Variants in ARF1 observed in about 807,000 individuals in gnomAD.
ARF1 encodes ADP-ribosylation factor 1.
ARF1 carries 1 observed loss-of-function variant against 18.0 expected under a neutral mutation model. The observed-to-expected ratio is 0.06, with a 90% CI of 0.02 to 0.26. ARF1 has a LOEUF of 0.26. Ranked by LOEUF, ARF1 falls within the 10% of genes least tolerant of loss-of-function variation. The pLI, the probability that ARF1 is intolerant of heterozygous loss-of-function variation, is 1.00. For missense variants in ARF1, 73 were observed against 247.2 expected, an observed-to-expected ratio of 0.30 and a Z score of 4.73; for synonymous variants, 112 against 96.3, an observed-to-expected ratio of 1.16 and a Z score of -0.95.
chr1:228,094,244 C>T (rs1054646156), intron 1 of ARF1, among the ~76,000 whole-genome samples: 5 of 152,096 alleles, frequency 3.3e-5, no homozygotes, highest in Admixed American at 1.3e-4. Context: ...AACTGGCAGG[C>T]GACCCTTATT....
At position 228,098,834 on chromosome 1, in the gene ARF1, T is replaced by G. The variant is rs1181619814; in HGVS notation, c.*821T>G. The G allele has an allele frequency of 1.3e-5, 2 of 152,648 alleles. No individual in the cohort carries two copies. Among genetic ancestry groups the G allele is most frequent in the African/African-American group, 4.8e-5 (2 of 41,454 alleles). 9.5% of individuals were successfully genotyped at this position (152,648 alleles called of 1,614,324 possible). ...CAACACTCGTGCTCGCTCAGACACT[T>G]TGGCAGGATGTCTGGGGCCTCACCA... is the stretch of plus-strand genomic sequence containing the variant. On this transcript the variant is annotated 3_prime_UTR_variant, in exon 5 of 5. Coordinates refer to ENST00000272102, the MANE Select transcript of ARF1 (RefSeq NM_001658.4).
chr1:228,092,120 TGTC>T (rs2032595203), intron 1 of ARF1, among the ~76,000 whole-genome samples: 1 of 152,232 alleles, frequency 6.6e-6, no homozygotes, highest in African/African-American at 2.4e-5. Flanking sequence ...GTAATTTATC[TGTC>T]AGTGAACTTG....
At chr1:228,096,091 TG>T (rs2032736631) in intron 1 of ARF1, among the ~76,000 whole-genome samples, 1 of 152,118 alleles carries the variant, frequency 6.6e-6, no homozygotes, top group Admixed American at 6.5e-5. Flanking sequence ...CTCTTGCTGA[TG>T]TTGAGAAATG....
chr1:228,083,745 T>C (rs1048740750), intron 1 of ARF1, among the ~76,000 whole-genome samples: 2 of 152,078 alleles, frequency 1.3e-5, no homozygotes, highest in African/African-American at 4.8e-5. Context: ...TTACGGCGTG[T>C]GAGATTGGGG....
rs2032800157 is a variant in ARF1, at chr1:228,097,793, G to A, written c.385-59G>A. On this transcript the variant is annotated intron_variant, in intron 4 of 4. Transcript: ENST00000272102. The surrounding 1 kb of genome is among the most constrained non-coding windows in gnomAD (Gnocchi z 8.1). ...TGGTGGTAGGGGTTACTGGAGGCTG[G>A]TGGGGCCCCTTTCTCTGTCCTGTGG... 1.3e-6 allele frequency: 2 copies of A among 1,588,902 alleles called. No individual in the cohort carries two copies. Among genetic ancestry groups the A allele is most frequent in the South Asian group, 2.3e-5 (2 of 87,656 alleles).
chr1:228,098,136 GTGCTGTAAA>G lies in ARF1; in HGVS notation c.*126_*134del. 1 of 1,216,150 alleles carries G rather than the reference GTGCTGTAAA, an allele frequency of 8.2e-7. No individual in the cohort carries two copies. Among genetic ancestry groups the G allele is most frequent in the Non-Finnish European group, 1.1e-6 (1 of 896,464 alleles). 75.3% of individuals were successfully genotyped at this position (1,216,150 alleles called of 1,614,324 possible). ...GTTTGGTCACCGTGTGCATCGCACC[GTGCTGTAAA>G]TGTGGCAGACGCAGCCTGCGGCCAG... On this transcript the variant is annotated 3_prime_UTR_variant, in exon 5 of 5. Coordinates refer to ENST00000272102, the MANE Select transcript of ARF1 (RefSeq NM_001658.4).
At position 228,097,834 on chromosome 1, in the gene ARF1, A is replaced by G. The variant is rs1292997959; in HGVS notation, c.385-18A>G. Reference sequence around the variant, plus strand: ...TGTCCTGTGGACAGCCCTTCCCACCAACCCTTCCTTCCCCCAGGACCTCCC... The same window carrying G: ...TGTCCTGTGGACAGCCCTTCCCACCGACCCTTCCTTCCCCCAGGACCTCCC... On this transcript the variant is annotated intron_variant, in intron 4 of 4. Coordinates refer to ENST00000272102, the MANE Select transcript of ARF1 (RefSeq NM_001658.4). The surrounding 1 kb of genome is among the most constrained non-coding windows in gnomAD (Gnocchi z 8.1). 1.2e-6 allele frequency: 2 copies of G among 1,610,122 alleles called. No individual in the cohort carries two copies. The highest frequency in any genetic ancestry group is 3.3e-5 in the Admixed American group (2 of 59,810).
chr1:228,093,760 C>CTAAAAA (rs563501825), intron 1 of ARF1, among the ~76,000 whole-genome samples: 4 of 151,804 alleles, frequency 2.6e-5, no homozygotes, highest in Non-Finnish European at 5.9e-5. Context: ...CCCGTCTCTA[C>CTAAAAA]TAAAAATAAA....
chr1:228,088,281 A>G (rs1021731498), intron 1 of ARF1: 1 of 152,750 alleles, frequency 6.5e-6, no homozygotes, highest in Non-Finnish European at 1.5e-5. Flanking sequence ...CCCTGAGGTG[A>G]GTGCGCTGGC....
In ARF1 at chr1:228,098,894, C is replaced by G. The variant is rs2032856110; in HGVS notation, c.*881C>G. 6.6e-6 allele frequency: 1 copy of G among 152,668 alleles called. No homozygotes were observed. The highest frequency in any genetic ancestry group is 1.5e-5 in the Non-Finnish European group (1 of 68,072). The allele number at this position is 152,668 out of a possible 1,614,324, so 9.5% of individuals were successfully genotyped here. ...CGTGCAAGCCGGGCAGGCGGTCCAC[C>G]TAGACCCACAGCCCCTCGGGAGCAC... is the stretch of plus-strand genomic sequence containing the variant. On this transcript the variant is annotated 3_prime_UTR_variant, in exon 5 of 5. Coordinates refer to ENST00000272102, the MANE Select transcript of ARF1 (RefSeq NM_001658.4).
In ARF1 at chr1:228,085,600, C is replaced by G. The variant is rs746233018; in HGVS notation, c.-38+2835C>G. ...CAAGGGCTTGCAGCCGGTTGTCAGC[C>G]AACAGACTGGGAAGGGTGGTGCTTC... On this transcript the variant is annotated intron_variant, in intron 1 of 4. Transcript: ENST00000272102. Among the ~76,000 whole-genome samples, 59 of 152,316 alleles carry G rather than the reference C, an allele frequency of 3.9e-4. 1 individual carries two copies. The Middle Eastern group carries it at 0.02, about 53-fold the overall frequency.
intron 1 of ARF1, chr1:228,091,211 T>C (rs990600829): frequency 1.3e-5 from 2 of 152,184 alleles, no homozygotes; most frequent in Non-Finnish European, 2.9e-5. Context: ...ACAAACTGAT[T>C]TAAGATATCA....
At position 228,098,771 on chromosome 1, in the gene ARF1, C is replaced by G. The variant is rs564128136; in HGVS notation, c.*758C>G. 6.5e-6 allele frequency: 1 copy of G among 152,818 alleles called. No homozygotes were observed. Among genetic ancestry groups the G allele is most frequent in the South Asian group, 2.1e-4 (1 of 4,828 alleles). 9.5% of individuals were successfully genotyped at this position (152,818 alleles called of 1,614,324 possible). ...TATGGGACGCAGGGCCCCATCTGTC[C>G]CTCGGTCGCCGTGTGGCCAGAGTGG... is the stretch of plus-strand genomic sequence containing the variant. On this transcript the variant is annotated 3_prime_UTR_variant, in exon 5 of 5. Coordinates refer to ENST00000272102, the MANE Select transcript of ARF1 (RefSeq NM_001658.4).
At chr1:228,085,855 T>G (rs1169255642) in intron 1 of ARF1, among the ~76,000 whole-genome samples, 4 of 152,344 alleles carry the variant, frequency 2.6e-5, no homozygotes, top group Admixed American at 6.5e-5. Flanking sequence ...TCTATAGTTG[T>G]GGATTGCAAA....
Position 228,098,055 on chromosome 1 carries a change from A to G in ARF1, c.*42A>G. 6.4e-7 allele frequency: 1 copy of G among 1,570,082 alleles called. No individual in the cohort carries two copies. The highest frequency in any genetic ancestry group is 1.2e-5 in the South Asian group (1 of 84,858). On this transcript the variant is annotated 3_prime_UTR_variant, in exon 5 of 5. Coordinates refer to ENST00000272102, the MANE Select transcript of ARF1 (RefSeq NM_001658.4). ...TCTCACTCCTCTTGCCCTCTGCTTT[A>G]CTCTCATGTGGCAAACGTGCGGCTC...
Position 228,089,437 on chromosome 1 carries a change from G to A in ARF1, c.-38+6672G>A, listed in dbSNP as rs1365772698. ...GGGGTGGGGTGGCAAGGTGGTGCTC[G>A]TCCCAAAGCTGGGGGAAACCTGGTG... On this transcript the variant is annotated intron_variant, in intron 1 of 4. Coordinates refer to ENST00000272102, the MANE Select transcript of ARF1 (RefSeq NM_001658.4). The surrounding 1 kb of genome is among the most constrained non-coding windows in gnomAD (Gnocchi z 4.1). Among the ~76,000 whole-genome samples, 15 of 152,260 alleles carry A rather than the reference G, an allele frequency of 9.9e-5. No homozygotes were observed. Among genetic ancestry groups the A allele is most frequent in the African/African-American group, 2.4e-4 (10 of 41,558 alleles).
At chr1:228,088,533 T>G (rs1208434845) in intron 1 of ARF1, among the ~76,000 whole-genome samples, 2 of 152,122 alleles carry the variant, frequency 1.3e-5, no homozygotes, top group African/African-American at 4.8e-5. Flanking sequence ...AAAAAAAATT[T>G]TTGTGCATAG....
chr1:228,087,799 C>T (rs1451442275), intron 1 of ARF1, among the ~76,000 whole-genome samples: 1 of 152,156 alleles, frequency 6.6e-6, no homozygotes, highest in Non-Finnish European at 1.5e-5. Flanking sequence ...CCCCATTTTC[C>T]CACATTTTTA....
Position 228,098,207 on chromosome 1 carries a change from G to T in ARF1, c.*194G>T. 3.2e-6 allele frequency: 2 copies of T among 623,212 alleles called. No individual in the cohort carries two copies. Among genetic ancestry groups the T allele is most frequent in the Non-Finnish European group, 5.1e-6 (2 of 388,826 alleles). The allele number at this position is 623,212 out of a possible 1,614,324, so 38.6% of individuals were successfully genotyped here. A position where few individuals can be genotyped will look rare whatever the true frequency, so the allele number is the denominator to read the frequency against. On this transcript the variant is annotated 3_prime_UTR_variant, in exon 5 of 5. Transcript: ENST00000272102. ...AATGTAAATAGTTTTTGTTTCCAAT[G>T]AGGCAGTTTCTGGTACTCCTATGCA...
Sources: allele counts gnomAD v4.1 joint callset (sites outside exome capture counted in the v4.1 genomes callset), GRCh38; gene constraint gnomAD v4.1.1; non-coding constraint Gnocchi (gnomAD v3.1); transcripts MANE v1.5; gene names NCBI Gene and HGNC (gene_info 2026-07-23, HGNC 2026-07-21).